RBFOX1: variants seen among roughly 807,000 people sequenced by gnomAD.
The protein encoded by RBFOX1 is RNA binding protein fox-1 homolog 1.
Under a neutral mutation model 57.7 loss-of-function variants are expected in RBFOX1, and 8 were observed. That is an observed-to-expected ratio of 0.14 (90% CI 0.08 to 0.25). RBFOX1 has a LOEUF of 0.25. Ranked by LOEUF, RBFOX1 falls within the 10% of genes least tolerant of loss-of-function variation. The pLI, the probability that RBFOX1 is intolerant of heterozygous loss-of-function variation, is 1.00. For missense variants in RBFOX1, 611 were observed against 548.5 expected (o/e 1.11, Z -1.14); for synonymous variants, 326 against 222.4 (o/e 1.47, Z -4.15).
intron 3 of RBFOX1, among the ~76,000 whole-genome samples, chr16:6,673,994 G>A (rs1455361188): frequency 6.6e-6 from 1 of 152,234 alleles, no homozygotes; most frequent in East Asian, 1.9e-4. Flanking sequence ...GAAACAGTGA[G>A]GGAGGAATTA....
At chr16:6,993,436 C>A (rs999498411) in intron 3 of RBFOX1, among the ~76,000 whole-genome samples, 1 of 152,132 alleles carries the variant, frequency 6.6e-6, no homozygotes, top group Non-Finnish European at 1.5e-5. Context: ...AAATGCATTG[C>A]TGGCTGAGGG....
intron 3 of RBFOX1, among the ~76,000 whole-genome samples, chr16:6,897,744 G>C (rs909680742): frequency 1.3e-5 from 2 of 152,146 alleles, no homozygotes; most frequent in East Asian, 3.9e-4. Flanking sequence ...AGTGTGCTGA[G>C]ATCATGCTGT....
chr16:7,449,715 T>A (rs2150156678), intron 4 of RBFOX1, among the ~76,000 whole-genome samples: 1 of 86,850 alleles, frequency 1.2e-5, no homozygotes, highest in Non-Finnish European at 2.4e-5. Flanking sequence ...GAAACATGTA[T>A]GTGTGTGTGT....
At chr16:6,288,176 A>G (rs574230564) in intron 1 of RBFOX1, among the ~76,000 whole-genome samples, 34 of 152,264 alleles carry the variant, frequency 2.2e-4, no homozygotes, top group African/African-American at 7.7e-4. Context: ...ATGTATCTCT[A>G]TGTTGTTGAA....
At chr16:6,738,239 A>T (rs147763889) in intron 3 of RBFOX1, among the ~76,000 whole-genome samples, 48 of 152,268 alleles carry the variant, frequency 3.2e-4, no homozygotes, top group Non-Finnish European at 1.6e-4. Context: ...AATCCTTGAC[A>T]GGAGCAAAGG....
chr16:6,991,861 CA>C (rs1430145467), intron 3 of RBFOX1, among the ~76,000 whole-genome samples: 1 of 152,152 alleles, frequency 6.6e-6, no homozygotes, highest in African/African-American at 2.4e-5. Flanking sequence ...TGTTAATGTG[CA>C]TAGGAATCAC....
intron 4 of RBFOX1, among the ~76,000 whole-genome samples, chr16:7,103,619 T>C (rs2063078489): frequency 6.6e-6 from 1 of 152,222 alleles, no homozygotes; most frequent in South Asian, 2.1e-4. Flanking sequence ...TTTCTCTTCT[T>C]CACCTCTCTG....
chr16:6,509,824 C>T (rs186199260), intron 2 of RBFOX1, among the ~76,000 whole-genome samples: 108 of 152,244 alleles, frequency 7.1e-4, no homozygotes, highest in African/African-American at 2.0e-3. Flanking sequence ...TTACCATGTT[C>T]TCCCAAACAT....
chr16:5,884,599 G>A (rs9922245), intron 4 of RBFOX1, among the ~76,000 whole-genome samples: 5,704 of 152,090 alleles, frequency 0.038, 360 homozygotes, highest in African/African-American at 0.13. Flanking sequence ...TTTTTCCAAC[G>A]TAGCCATAAG....
At chr16:6,850,405 C>G (rs1010286877) in intron 3 of RBFOX1, among the ~76,000 whole-genome samples, 7 of 152,064 alleles carry the variant, frequency 4.6e-5, no homozygotes, top group African/African-American at 1.4e-4. Context: ...GAGGGCTTCT[C>G]TGAGGAGGTG....
At chr16:5,938,428 G>C (rs916313330) in intron 4 of RBFOX1, among the ~76,000 whole-genome samples, 1 of 152,142 alleles carries the variant, frequency 6.6e-6, no homozygotes, top group Non-Finnish European at 1.5e-5. Context: ...TTACTAGGCT[G>C]CTGATGGTGA....
At chr16:6,545,091 C>T (rs1049155390) in intron 2 of RBFOX1, among the ~76,000 whole-genome samples, 10 of 152,240 alleles carry the variant, frequency 6.6e-5, no homozygotes, top group African/African-American at 4.8e-5. Flanking sequence ...AAAGTAATAA[C>T]AATGGCTTTC....
chr16:7,311,370 C>G (rs1017187035), intron 4 of RBFOX1, among the ~76,000 whole-genome samples: 4 of 151,840 alleles, frequency 2.6e-5, no homozygotes, highest in Admixed American at 6.6e-5. Context: ...TTTTTCTCCC[C>G]TTTTGTGGCC....
rs2095883414 is a variant in RBFOX1 at position 6,075,348 on chromosome 16, A to G, written c.-127+55356A>G. The stretch of plus-strand genomic sequence containing the variant: ...GAAATACTCATTTATTCATCTGTTT[A>G]ACAAACATCCATTGATATTCTTTAT... On this transcript the variant is annotated intron_variant, in intron 1 of 15. Coordinates refer to ENST00000550418, the MANE Select transcript of RBFOX1 (RefSeq NM_018723.4). Among the ~76,000 whole-genome samples, 4 of 152,366 alleles carry G rather than the reference A, an allele frequency of 2.6e-5. No individual in the cohort carries two copies. In the South Asian group the frequency reaches 8.3e-4, roughly 32 times the overall value.
intron 3 of RBFOX1, among the ~76,000 whole-genome samples, chr16:6,658,540 C>A (rs2098677426): frequency 1.3e-5 from 2 of 152,118 alleles, no homozygotes; most frequent in Admixed American, 6.5e-5. Context: ...GCAATAAAAT[C>A]ATTCTTCTTT....
At chr16:7,178,350 A>G (rs2082068126) in intron 4 of RBFOX1, among the ~76,000 whole-genome samples, 1 of 152,196 alleles carries the variant, frequency 6.6e-6, no homozygotes, top group South Asian at 2.1e-4. Flanking sequence ...TAATTAAATG[A>G]CTGGGTCACT....
chr16:6,836,938 A>C (rs764833719), intron 3 of RBFOX1, among the ~76,000 whole-genome samples: 3 of 152,166 alleles, frequency 2.0e-5, no homozygotes, highest in African/African-American at 7.2e-5. Flanking sequence ...CATTACTTCC[A>C]TATCAGTAGA....
chr16:7,584,189 A>G (rs2093970631), intron 6 of RBFOX1, among the ~76,000 whole-genome samples: 1 of 152,226 alleles, frequency 6.6e-6, no homozygotes. Context: ...GTATCCATTG[A>G]ACATCCCTCA....
At chr16:6,903,781 G>A (rs2069070296) in intron 3 of RBFOX1, among the ~76,000 whole-genome samples, 1 of 152,162 alleles carries the variant, frequency 6.6e-6, no homozygotes, top group Admixed American at 6.5e-5. Flanking sequence ...GCCTTTCGGA[G>A]CTGCCGCTGC....
Sources: allele counts gnomAD v4.1 joint callset (sites outside exome capture counted in the v4.1 genomes callset), GRCh38; gene constraint gnomAD v4.1.1; transcripts MANE v1.5; gene names NCBI Gene and HGNC (gene_info 2026-07-23, HGNC 2026-07-21).